TNFAIP8: variants seen among roughly 807,000 people sequenced by gnomAD.
TNFAIP8 encodes the protein tumor necrosis factor alpha-induced protein 8.
TNFAIP8 carries 7 observed loss-of-function variants against 13.3 expected under a neutral mutation model. The ratio of observed to expected loss-of-function variants is 0.52; its 90% confidence interval spans 0.30 to 0.99. TNFAIP8 has a LOEUF of 0.99. TNFAIP8 is among the 50% of genes least tolerant of loss of function. TNFAIP8 has a pLI of 0.07. For missense variants in TNFAIP8, 258 were observed against 236.9 expected, an observed-to-expected ratio of 1.09 and a Z score of -0.58; for synonymous variants, 94 against 87.6, an observed-to-expected ratio of 1.07 and a Z score of -0.41.
chr5:119,366,305 C>T (rs763736035), intron 1 of TNFAIP8, among the ~76,000 whole-genome samples: 3 of 152,066 alleles, frequency 2.0e-5, no homozygotes, highest in Non-Finnish European at 4.4e-5. Context: ...GTGTCCAAAG[C>T]ACTGTGCAGA....
chr5:119,277,132 C>T (rs144829815), intron 1 of TNFAIP8, among the ~76,000 whole-genome samples: 2 of 152,104 alleles, frequency 1.3e-5, no homozygotes, highest in Non-Finnish European at 2.9e-5. Context: ...GTATACTGCA[C>T]TCACCTGTTT....
At chr5:119,327,090 A>G (rs1364431276) in intron 1 of TNFAIP8, among the ~76,000 whole-genome samples, 1 of 152,096 alleles carries the variant, frequency 6.6e-6, no homozygotes, top group East Asian at 1.9e-4. Context: ...AAAGGACTGC[A>G]TTTGTGGAAA....
In TNFAIP8 at chr5:119,395,601, A is replaced by T. The variant is rs920368838; in HGVS notation, c.*2220A>T. The T allele has an allele frequency of 6.6e-6, 1 of 152,172 alleles. No homozygotes were observed. The highest frequency in any genetic ancestry group is 6.5e-5 in the Admixed American group (1 of 15,272). The allele number at this position is 152,172 out of a possible 1,614,324, so 9.4% of individuals were successfully genotyped here. On this transcript the variant is annotated 3_prime_UTR_variant, in exon 2 of 2. Transcript: ENST00000504771. Reference sequence around the variant, plus strand: ...ACAGAGGGAAGGCAGTGAGGAGTAGACCGAAGGAGGGAATCCTGTTTGCTA... The same window carrying T: ...ACAGAGGGAAGGCAGTGAGGAGTAGTCCGAAGGAGGGAATCCTGTTTGCTA...
chr5:119,296,442 A>G (rs2112641303), intron 1 of TNFAIP8, among the ~76,000 whole-genome samples: 1 of 151,896 alleles, frequency 6.6e-6, no homozygotes, highest in South Asian at 2.1e-4. Flanking sequence ...TGATTTGCCT[A>G]TATTGAACCA....
In TNFAIP8 at chr5:119,365,416, T is replaced by C. The variant is rs562616437; in HGVS notation, c.31+9295T>C. On this transcript the variant is annotated intron_variant, in intron 1 of 1. Coordinates refer to ENST00000504771, the MANE Select transcript of TNFAIP8 (RefSeq NM_014350.4). ...TAAGCAGTTGTTACACCAGTGGAAATATGCTAGATGGCTTATTCCTTGTGA... is the reference window on the plus strand; with the variant it reads ...TAAGCAGTTGTTACACCAGTGGAAACATGCTAGATGGCTTATTCCTTGTGA... 2.9e-4 allele frequency among the ~76,000 whole-genome samples: 44 copies of C among 152,210 alleles called. 1 individual carries two copies. The highest frequency in any genetic ancestry group is 5.3e-4 in the Non-Finnish European group (36 of 68,042).
At chr5:119,318,205 T>G (rs1480066296) in intron 1 of TNFAIP8, among the ~76,000 whole-genome samples, 1 of 152,122 alleles carries the variant, frequency 6.6e-6, no homozygotes, top group African/African-American at 2.4e-5. Context: ...GATTGACACT[T>G]CTTTTTTTTT....
At chr5:119,334,594 A>G (rs1467984838) in intron 1 of TNFAIP8, among the ~76,000 whole-genome samples, 1 of 149,674 alleles carries the variant, frequency 6.7e-6, no homozygotes, top group Non-Finnish European at 1.5e-5. Context: ...TTCGTCTACT[A>G]GATGCCTAGA....
chr5:119,333,131 C>A (rs1316255718), intron 1 of TNFAIP8: 18 of 801,844 alleles, frequency 2.2e-5, no homozygotes, highest in Non-Finnish European at 2.5e-5. Flanking sequence ...GTATCTGTTT[C>A]TATTTTCTAG....
chr5:119,300,550 G>A (rs911678187), intron 1 of TNFAIP8, among the ~76,000 whole-genome samples: 2 of 152,178 alleles, frequency 1.3e-5, no homozygotes, highest in African/African-American at 4.8e-5. Flanking sequence ...ATATAAAAGA[G>A]TGATAGTTAC....
intron 1 of TNFAIP8, chr5:119,333,690 A>G (rs1355105864): frequency 7.4e-7 from 1 of 1,350,506 alleles, no homozygotes; most frequent in Non-Finnish European, 1.0e-6. Flanking sequence ...GAAATCTGGT[A>G]AAATGTTCAG....
chr5:119,389,868 T>A (rs564333742), intron 1 of TNFAIP8, among the ~76,000 whole-genome samples: 1 of 152,348 alleles, frequency 6.6e-6, no homozygotes, highest in Admixed American at 6.5e-5. Flanking sequence ...AACTTCTCTA[T>A]CTTGATTCAT....
intron 1 of TNFAIP8, among the ~76,000 whole-genome samples, chr5:119,275,967 C>T (rs572780736): frequency 1.3e-5 from 2 of 152,198 alleles, no homozygotes; most frequent in South Asian, 4.1e-4. Flanking sequence ...GGCCTTTCAG[C>T]CTTACCATTA....
intron 1 of TNFAIP8, among the ~76,000 whole-genome samples, chr5:119,279,411 A>G (rs1341667153): frequency 6.6e-6 from 1 of 152,178 alleles, no homozygotes; most frequent in Non-Finnish European, 1.5e-5. Flanking sequence ...TGTTTTTAAT[A>G]GTAGAAGGAT....
chr5:119,372,301 C>T (rs1484144275), intron 1 of TNFAIP8, among the ~76,000 whole-genome samples: 2 of 128,664 alleles, frequency 1.6e-5, no homozygotes, highest in Non-Finnish European at 3.2e-5. Context: ...TCCAGCTTAG[C>T]AACAGAGTGA....
intron 1 of TNFAIP8, among the ~76,000 whole-genome samples, chr5:119,390,456 T>C (rs1027225832): frequency 2.6e-5 from 4 of 152,204 alleles, no homozygotes; most frequent in Non-Finnish European, 5.9e-5. Flanking sequence ...TTGCAAATCA[T>C]TGAAGAATAG....
At position 119,393,409 on chromosome 5, in the gene TNFAIP8, A is replaced by C. The variant is rs775207753; in HGVS notation, c.*28A>C. 1.3e-6 allele frequency: 2 copies of C among 1,576,726 alleles called. No individual in the cohort carries two copies. Among genetic ancestry groups the C allele is most frequent in the East Asian group, 4.5e-5 (2 of 44,436 alleles). On this transcript the variant is annotated 3_prime_UTR_variant, in exon 2 of 2. Coordinates refer to ENST00000504771, the MANE Select transcript of TNFAIP8 (RefSeq NM_014350.4). ...ACATGAGTTAAGATTGTGACTGATC[A>C]TGATTTATTTGAAGATGGAGCACTG...
chr5:119,270,434 T>G (rs1376427413), intron 1 of TNFAIP8, among the ~76,000 whole-genome samples: 1 of 152,244 alleles, frequency 6.6e-6, no homozygotes, highest in Admixed American at 6.5e-5. Context: ...GCTATGGTTG[T>G]TGTTGTTTTT....
At chr5:119,279,660 C>G (rs924388279) in intron 1 of TNFAIP8, among the ~76,000 whole-genome samples, 2 of 152,142 alleles carry the variant, frequency 1.3e-5, no homozygotes, top group Non-Finnish European at 2.9e-5. Flanking sequence ...TAGCACACTA[C>G]AACCTCAAAC....
chr5:119,276,166 G>A (rs1047871081), intron 1 of TNFAIP8, among the ~76,000 whole-genome samples: 3 of 150,128 alleles, frequency 2.0e-5, no homozygotes, highest in Admixed American at 6.6e-5. Flanking sequence ...CTCCCAGGCT[G>A]AAGTGCAGTG....
Sources: allele counts gnomAD v4.1 joint callset (sites outside exome capture counted in the v4.1 genomes callset), GRCh38; gene constraint gnomAD v4.1.1; transcripts MANE v1.5; gene names NCBI Gene and HGNC (gene_info 2026-07-23, HGNC 2026-07-21).